Variants in LRBA observed in about 807,000 individuals in gnomAD.
The protein encoded by LRBA is LPS responsive beige-like anchor protein.
Under a neutral mutation model 330.0 loss-of-function variants are expected in LRBA, and 176 were observed. The ratio of observed to expected loss-of-function variants is 0.53; its 90% confidence interval spans 0.47 to 0.60. The LOEUF is 0.60. LRBA is among the 20% of genes least tolerant of loss of function. The probability of loss-of-function intolerance (pLI) is 0.00; values close to 1 mark genes in which losing one functional copy is unlikely to be tolerated. For synonymous variants in LRBA, 1,230 were observed against 1,193.0 expected, an observed-to-expected ratio of 1.03 and a Z score of -0.64; for missense variants, 3,259 against 3,444.8, an observed-to-expected ratio of 0.95 and a Z score of 1.35.
At chr4:150,556,876 A>G (rs963501895) in intron 40 of LRBA, among the ~76,000 whole-genome samples, 1 of 152,200 alleles carries the variant, frequency 6.6e-6, no homozygotes. Flanking sequence ...CAAGGCCTAC[A>G]AGGAAAATGC....
chr4:150,398,718 C>T (rs1317196345), intron 47 of LRBA, among the ~76,000 whole-genome samples: 1 of 151,914 alleles, frequency 6.6e-6, no homozygotes, highest in Non-Finnish European at 1.5e-5. Context: ...CCTCTACTTA[C>T]TGGGCTCAAG....
intron 37 of LRBA, among the ~76,000 whole-genome samples, chr4:150,668,815 G>A (rs1371938613): frequency 6.6e-6 from 1 of 152,140 alleles, no homozygotes; most frequent in African/African-American, 2.4e-5. Flanking sequence ...AGTTAGTGAG[G>A]GAAATAGAAT....
intron 2 of LRBA, among the ~76,000 whole-genome samples, chr4:150,999,106 CAAAG>C (rs924018287): frequency 3.3e-5 from 5 of 151,570 alleles, no homozygotes; most frequent in South Asian, 2.1e-4. Flanking sequence ...CTTGAGTTTG[CAAAG>C]AAAGAAAGAA....
At chr4:150,783,170 C>A (rs929311321) in intron 34 of LRBA, among the ~76,000 whole-genome samples, 1 of 152,176 alleles carries the variant, frequency 6.6e-6, no homozygotes, top group African/African-American at 2.4e-5. Context: ...GCTAAGGAGA[C>A]TGGTTAAGCA....
intron 47 of LRBA, among the ~76,000 whole-genome samples, chr4:150,396,583 C>T (rs1744765288): frequency 6.6e-6 from 1 of 151,730 alleles, no homozygotes; most frequent in Non-Finnish European, 1.5e-5. Context: ...TAAAATTAAC[C>T]ATAATAGTAG....
intron 35 of LRBA, among the ~76,000 whole-genome samples, chr4:150,745,663 G>C (rs1037702784): frequency 2.0e-5 from 3 of 151,668 alleles, no homozygotes; most frequent in South Asian, 4.2e-4. Context: ...TTACAGGCAC[G>C]CACCACCACG....
At chr4:150,335,584 AGTT>A (rs1311473591) in intron 48 of LRBA, among the ~76,000 whole-genome samples, 1 of 151,212 alleles carries the variant, frequency 6.6e-6, no homozygotes, top group South Asian at 2.1e-4. Context: ...CACTTAGAAC[AGTT>A]CATGGCACAT....
intron 53 of LRBA, among the ~76,000 whole-genome samples, chr4:150,298,581 G>C (rs1729256216): frequency 6.6e-6 from 1 of 152,056 alleles, no homozygotes; most frequent in Admixed American, 6.5e-5. Flanking sequence ...TCTGTGGTCT[G>C]TTAGTGCTAG....
Position 150,852,025 on chromosome 4 carries a change from G to A in LRBA, c.3685C>T (p.His1229Tyr). Reference protein sequence around the residue: ...TRETKLINDCHGSVSEASSEQ... With the variant: ...TRETKLINDCYGSVSEASSEQ... ...GAAGAAGCCTCAGAGACACTACCAT[G>A]ACAATCATTAATTAATTTGGTTTCT... The change falls in exon 23 of 57, where the codon CAT (histidine) becomes TAT (tyrosine). Residue 1229 changes from histidine to tyrosine, a missense_variant. Coordinates refer to ENST00000651943, the MANE Select transcript of LRBA (RefSeq NM_001364905.1). 1 of 1,614,028 alleles carries A rather than the reference G, an allele frequency of 6.2e-7. No homozygotes were observed. Among genetic ancestry groups the A allele is most frequent in the Non-Finnish European group, 8.5e-7 (1 of 1,179,970 alleles).
At chr4:150,571,192 T>A (rs1351399000) in intron 40 of LRBA, among the ~76,000 whole-genome samples, 7 of 152,062 alleles carry the variant, frequency 4.6e-5, no homozygotes, top group Admixed American at 1.3e-4. Flanking sequence ...TTCTTTTTTT[T>A]TTCATTCCTG....
At chr4:151,010,753 G>C (rs1490812231) in intron 2 of LRBA, among the ~76,000 whole-genome samples, 3 of 151,958 alleles carry the variant, frequency 2.0e-5, no homozygotes, top group African/African-American at 4.8e-5. Flanking sequence ...GCATGGTGGT[G>C]CGTGCCTGTA....
At chr4:150,702,071 G>C (rs902900057) in intron 36 of LRBA, among the ~76,000 whole-genome samples, 2 of 152,088 alleles carry the variant, frequency 1.3e-5, no homozygotes, top group Admixed American at 1.3e-4. Context: ...AAGAAGAAAA[G>C]ACAAACAGGA....
intron 2 of LRBA, among the ~76,000 whole-genome samples, chr4:150,981,136 C>G (rs6843984): frequency 0.24 from 36,020 of 151,382 alleles, 5,296 homozygotes; most frequent in South Asian, 0.41. Context: ...AACATTAGCT[C>G]GGCGCAGTGG....
chr4:150,546,929 T>A (rs1765925794), intron 40 of LRBA, among the ~76,000 whole-genome samples: 1 of 152,190 alleles, frequency 6.6e-6, no homozygotes, highest in African/African-American at 2.4e-5. Flanking sequence ...GTTGGGAAAT[T>A]TAAAGTAAAA....
At chr4:150,499,630 CTTT>C (rs529579991) in intron 40 of LRBA, among the ~76,000 whole-genome samples, 1 of 141,636 alleles carries the variant, frequency 7.1e-6, no homozygotes, top group Non-Finnish European at 1.6e-5. Context: ...GCAACAGAGA[CTTT>C]TTTTTTTTTT....
chr4:150,902,652 GCT>G (rs1404547971), intron 13 of LRBA, among the ~76,000 whole-genome samples: 1 of 152,120 alleles, frequency 6.6e-6, no homozygotes, highest in Non-Finnish European at 1.5e-5. Context: ...GAGCCCCTAC[GCT>G]CAGGCCTGCT....
chr4:150,955,420 A>T (rs1737430724), intron 2 of LRBA, among the ~76,000 whole-genome samples: 1 of 149,204 alleles, frequency 6.7e-6, no homozygotes, highest in African/African-American at 2.6e-5. Flanking sequence ...AATAGAAGAA[A>T]GATACTAAAT....
intron 47 of LRBA, among the ~76,000 whole-genome samples, chr4:150,359,672 A>T (rs1218342600): frequency 6.6e-6 from 1 of 152,126 alleles, no homozygotes; most frequent in Non-Finnish European, 1.5e-5. Context: ...GGAAGTTTGT[A>T]CACTATTAAA....
At chr4:150,834,827 T>A (rs1747773647) in intron 28 of LRBA, among the ~76,000 whole-genome samples, 1 of 152,188 alleles carries the variant, frequency 6.6e-6, no homozygotes, top group South Asian at 2.1e-4. Flanking sequence ...ATAAAAGGTG[T>A]TTTGGCTTTT....
Sources: allele counts gnomAD v4.1 joint callset (sites outside exome capture counted in the v4.1 genomes callset), GRCh38; gene constraint gnomAD v4.1.1; transcripts MANE v1.5; gene names NCBI Gene and HGNC (gene_info 2026-07-23, HGNC 2026-07-21).